The following SMYD3 variants were observed in gnomAD, a reference collection of about 807,000 sequenced individuals.
SMYD3 encodes histone-lysine N-methyltransferase SMYD3.
SMYD3 carries 36 observed loss-of-function variants against 57.7 expected under a neutral mutation model. That is an observed-to-expected ratio of 0.62 (90% CI 0.48 to 0.82). The LOEUF is 0.82. SMYD3 is among the 40% of genes least tolerant of loss of function. The pLI is 0.00. For missense variants in SMYD3, 515 were observed against 538.8 expected (o/e 0.96, Z 0.44); for synonymous variants, 211 against 195.0 (o/e 1.08, Z -0.68).
chr1:245,929,640 T>C (rs1343398392), intron 6 of SMYD3, among the ~76,000 whole-genome samples: 2 of 152,094 alleles, frequency 1.3e-5, no homozygotes, highest in Non-Finnish European at 2.9e-5. Context: ...AGAACAAGAG[T>C]TTAGTTCTGA....
chr1:245,858,783 G>C (rs549623865), intron 9 of SMYD3, 113 bp from the exon 10 acceptor site: 4 of 1,090,344 alleles, frequency 3.7e-6, no homozygotes. Context: ...GGAAGCACCC[G>C]TTATTTTTCA....
At chr1:245,957,266 AAAAG>A (rs2057873209) in intron 5 of SMYD3, among the ~76,000 whole-genome samples, 1 of 152,218 alleles carries the variant, frequency 6.6e-6, no homozygotes, top group Non-Finnish European at 1.5e-5. Context: ...ACTAGCTAAA[AAAAG>A]AAAGACCATC....
intron 10 of SMYD3, among the ~76,000 whole-genome samples, chr1:245,817,132 G>T (rs1254970491): frequency 6.6e-6 from 1 of 151,120 alleles, no homozygotes; most frequent in Non-Finnish European, 1.5e-5. Flanking sequence ...AACCTCTGCA[G>T]ACTTAAGTGT....
At chr1:246,463,945 C>T (rs972883980) in intron 1 of SMYD3, among the ~76,000 whole-genome samples, 3 of 150,322 alleles carry the variant, frequency 2.0e-5, no homozygotes, top group Non-Finnish European at 4.4e-5. Flanking sequence ...TGTAAGACAA[C>T]AGAGGAGGCA....
At chr1:246,050,476 C>G (rs890823606) in intron 5 of SMYD3, among the ~76,000 whole-genome samples, 5 of 152,170 alleles carry the variant, frequency 3.3e-5, no homozygotes, top group Non-Finnish European at 7.3e-5. Flanking sequence ...GAGGAACAAT[C>G]TCTATCACTG....
At chr1:245,813,450 C>A (rs998909146) in intron 10 of SMYD3, among the ~76,000 whole-genome samples, 1 of 152,072 alleles carries the variant, frequency 6.6e-6, no homozygotes, top group Non-Finnish European at 1.5e-5. Context: ...GAATCCAGCC[C>A]CCTGAAAGGA....
chr1:246,229,181 T>C (rs182460424), intron 5 of SMYD3, among the ~76,000 whole-genome samples: 44 of 152,308 alleles, frequency 2.9e-4, no homozygotes, highest in African/African-American at 1.1e-3. Context: ...CAATAAATTT[T>C]CTTTGCTCAC....
At chr1:246,461,078 T>C (rs2067790239) in intron 1 of SMYD3, among the ~76,000 whole-genome samples, 1 of 152,224 alleles carries the variant, frequency 6.6e-6, no homozygotes, top group South Asian at 2.1e-4. Context: ...CTAAATTGTT[T>C]AAGGTAACTT....
intron 5 of SMYD3, among the ~76,000 whole-genome samples, chr1:246,012,903 C>A (rs962037472): frequency 6.6e-6 from 1 of 152,178 alleles, no homozygotes; most frequent in African/African-American, 2.4e-5. Context: ...TAATTCACAT[C>A]AAGAAAAGCA....
chr1:246,505,713 T>C (rs941314540), intron 1 of SMYD3, among the ~76,000 whole-genome samples: 29 of 152,212 alleles, frequency 1.9e-4, no homozygotes, highest in African/African-American at 3.9e-4. Flanking sequence ...TGAAATAGTA[T>C]GGTAAATCAA....
In SMYD3 at chr1:246,395,861, G is replaced by A. The variant is rs145821982; in HGVS notation, c.165-40767C>T. Among the ~76,000 whole-genome samples, 577 of 150,940 alleles carry A rather than the reference G, an allele frequency of 3.8e-3. 1 individual carries two copies. Among genetic ancestry groups the A allele is most frequent in the African/African-American group, 0.013 (548 of 41,130 alleles). On this transcript the variant is annotated intron_variant, in intron 1 of 11. Coordinates refer to ENST00000490107, the MANE Select transcript of SMYD3 (RefSeq NM_001167740.2). ...ACTGTCAGGGGAGAGGAGCCCGATC[G>A]CTGCCTCTATGCTCTGCCACCACCT...
intron 5 of SMYD3, among the ~76,000 whole-genome samples, chr1:246,257,076 T>C (rs944384909): frequency 6.6e-6 from 1 of 152,244 alleles, no homozygotes; most frequent in Non-Finnish European, 1.5e-5. Flanking sequence ...GCTTTATGGC[T>C]GAACATGTGG....
At chr1:246,375,056 G>GCA (rs2066252330) in intron 1 of SMYD3, among the ~76,000 whole-genome samples, 1 of 152,038 alleles carries the variant, frequency 6.6e-6, no homozygotes, top group Non-Finnish European at 1.5e-5. Context: ...TCGCGCTGTT[G>GCA]CACTCCAGCC....
chr1:246,129,061 G>A (rs1424919614), intron 5 of SMYD3, among the ~76,000 whole-genome samples: 2 of 152,124 alleles, frequency 1.3e-5, no homozygotes, highest in South Asian at 4.2e-4. Context: ...GCCTCCAAAC[G>A]TGCTAGGATT....
chr1:246,352,566 C>A (rs1216977601), intron 2 of SMYD3, among the ~76,000 whole-genome samples: 2 of 152,206 alleles, frequency 1.3e-5, no homozygotes, highest in African/African-American at 2.4e-5. Context: ...CACACACAAA[C>A]ACATACTCTA....
intron 8 of SMYD3, among the ~76,000 whole-genome samples, chr1:245,896,314 G>A (rs1333667688): frequency 4.4e-5 from 6 of 137,764 alleles, no homozygotes; most frequent in South Asian, 4.6e-4. Context: ...ACCTGGAAGC[G>A]TTCCCTTCTA....
chr1:246,499,938 T>C (rs2068432163), intron 1 of SMYD3, among the ~76,000 whole-genome samples: 1 of 152,188 alleles, frequency 6.6e-6, no homozygotes, highest in Non-Finnish European at 1.5e-5. Flanking sequence ...CTAAAAGGTC[T>C]GAGAACCACT....
intron 5 of SMYD3, among the ~76,000 whole-genome samples, chr1:246,022,386 T>C (rs2059487345): frequency 6.6e-6 from 1 of 152,140 alleles, no homozygotes; most frequent in Non-Finnish European, 1.5e-5. Flanking sequence ...AGAACTACAG[T>C]GCACAGCGAG....
intron 5 of SMYD3, among the ~76,000 whole-genome samples, chr1:246,040,860 T>C (rs1006362743): frequency 2.0e-5 from 3 of 152,192 alleles, no homozygotes; most frequent in Non-Finnish European, 2.9e-5. Flanking sequence ...ATCGCACAAA[T>C]AGCAAATAAC....
Sources: gnomAD v4.1 joint callset for allele counts (sites outside exome capture counted in the v4.1 genomes callset) on GRCh38, gnomAD v4.1.1 for gene constraint, MANE v1.5 for transcripts, NCBI Gene and HGNC (gene_info 2026-07-23, HGNC 2026-07-21) for gene names.